Variants in ADCY1 observed in about 807,000 individuals in gnomAD.
ADCY1 encodes adenylate cyclase type 1.
Under a neutral mutation model 105.4 loss-of-function variants are expected in ADCY1, and 28 were observed. The observed-to-expected ratio is 0.27, with a 90% CI of 0.20 to 0.36. ADCY1 has a LOEUF of 0.36. Ranked by LOEUF, ADCY1 falls within the 10% of genes least tolerant of loss-of-function variation. The pLI, the probability that ADCY1 is intolerant of heterozygous loss-of-function variation, is 1.00. For synonymous variants in ADCY1, 655 were observed against 623.8 expected, an observed-to-expected ratio of 1.05 and a Z score of -0.75; for missense variants, 977 against 1,434.2, an observed-to-expected ratio of 0.68 and a Z score of 5.15.
chr7:45,668,980 T>C (rs1179102795), intron 8 of ADCY1, among the ~76,000 whole-genome samples: 6 of 152,134 alleles, frequency 3.9e-5, no homozygotes, highest in Non-Finnish European at 7.3e-5. Flanking sequence ...GGTGATATCC[T>C]CTTTATCATT....
chr7:45,699,826 A>G (rs1410243982), intron 14 of ADCY1, among the ~76,000 whole-genome samples: 3 of 152,114 alleles, frequency 2.0e-5, no homozygotes, highest in African/African-American at 7.2e-5. Context: ...TCTTCTCACT[A>G]CATGTCTGAT....
At chr7:45,618,320 A>G (rs1213404954) in intron 3 of ADCY1, among the ~76,000 whole-genome samples, 2 of 152,222 alleles carry the variant, frequency 1.3e-5, no homozygotes, top group African/African-American at 2.4e-5. Context: ...GTCTGGGCAG[A>G]TGTTTTATGG....
At chr7:45,618,789 T>C (rs769475796) in intron 3 of ADCY1, among the ~76,000 whole-genome samples, 4 of 152,222 alleles carry the variant, frequency 2.6e-5, no homozygotes, top group Non-Finnish European at 5.9e-5. Context: ...ACAGCCATTA[T>C]GGAAAATAGA....
At position 45,575,802 on chromosome 7, in the gene ADCY1, C is replaced by T. The variant is rs1466725208; in HGVS notation, c.639+620C>T. On this transcript the variant is annotated intron_variant, in intron 1 of 19. Transcript: ENST00000297323. This position sits in a 1 kb window ranked among gnomAD's most constrained non-coding sequence, Gnocchi z 4.7. ...TCTAGTCCCTGCCGCTGCCACTCGG[C>T]GGTTGCCCTGACCCTGCCTTTTCTG... Among the ~76,000 whole-genome samples, 1 of 152,272 alleles carries T rather than the reference C, an allele frequency of 6.6e-6. No individual in the cohort carries two copies. The highest frequency in any genetic ancestry group is 2.4e-5 in the African/African-American group (1 of 41,484).
intron 11 of ADCY1, chr7:45,680,314 A>G (rs1021155594): frequency 2.6e-5 from 5 of 189,244 alleles, no homozygotes; most frequent in South Asian, 1.1e-4. Context: ...ACATTGTGCT[A>G]TCTGGGCCCT....
Position 45,699,758 on chromosome 7 carries a change from C to T in ADCY1, c.2455-3618C>T, listed in dbSNP as rs535857324. Among the ~76,000 whole-genome samples the T allele has an allele frequency of 4.6e-5, 7 of 152,230 alleles. No homozygotes were observed. In the South Asian group the frequency reaches 8.3e-4, roughly 18 times the overall value. On this transcript the variant is annotated intron_variant, in intron 14 of 19. Transcript: ENST00000297323. ...GGTACTCTGAGGTCGGGCTAGGTTG[C>T]GCAGCAGTCGCAGGCCTTCTGAGGG...
rs768415059 is a variant in ADCY1 at position 45,677,909 on chromosome 7, G to A, written c.1646G>A (p.Arg549His). The change falls in exon 9 of 20, where the codon CGC becomes CAC. Residue 549 changes from arginine to histidine, a missense_variant. Coordinates refer to ENST00000297323, the MANE Select transcript of ADCY1 (RefSeq NM_021116.4). ...ACAGCCTCGGAAAAACTCAGAAACCGCTCATCTTTTTCTACCAACGTTGTC... is the reference window on the plus strand; with the variant it reads ...ACAGCCTCGGAAAAACTCAGAAACCACTCATCTTTTTCTACCAACGTTGTC... ...LRTASEKLRN[R>H]SSFSTNVVYT... The A allele has an allele frequency of 5.0e-6, 8 of 1,614,012 alleles. No individual in the cohort carries two copies. The highest frequency in any genetic ancestry group is 1.7e-5 in the Admixed American group (1 of 60,018).
intron 1 of ADCY1, among the ~76,000 whole-genome samples, chr7:45,581,392 T>C (rs1482677168): frequency 2.0e-5 from 3 of 152,148 alleles, no homozygotes; most frequent in African/African-American, 4.8e-5. Context: ...CTTGATCAAA[T>C]GTTGGGAGAG....
At chr7:45,688,218 T>C (rs1381614149) in intron 14 of ADCY1, among the ~76,000 whole-genome samples, 1 of 152,214 alleles carries the variant, frequency 6.6e-6, no homozygotes, top group Non-Finnish European at 1.5e-5. Context: ...CAACCAGTGA[T>C]AGGTCAATCT....
In ADCY1 at chr7:45,708,520, C is replaced by T; in HGVS notation, c.2932+56C>T. On this transcript the variant is annotated intron_variant, in intron 18 of 19. Transcript: ENST00000297323. The surrounding 1 kb of genome is among the most constrained non-coding windows in gnomAD (Gnocchi z 4.7). ...CATGTGGAACACCTTCCTACACCCA[C>T]CTAGGGGTGGGATCAGCTGATGAGG... 7 of 1,375,044 alleles carry T rather than the reference C, an allele frequency of 5.1e-6. No individual in the cohort carries two copies. Among genetic ancestry groups the T allele is most frequent in the Middle Eastern group, 1.8e-4 (1 of 5,620 alleles). The allele number at this position is 1,375,044 out of a possible 1,614,324, so 85.2% of individuals were successfully genotyped here.
At chr7:45,610,769 A>AAGGTGAGGAGGTGATG (rs1793527993) in intron 3 of ADCY1, among the ~76,000 whole-genome samples, 1 of 21,536 alleles carries the variant, frequency 4.6e-5, no homozygotes, top group Non-Finnish European at 8.9e-5. Flanking sequence ...TAGAGGTGAT[A>AAGGTGAGGAGGTGATG]GTGGAGGTGT....
chr7:45,697,357 G>T (rs999824259), intron 14 of ADCY1, among the ~76,000 whole-genome samples: 2 of 149,952 alleles, frequency 1.3e-5, no homozygotes, highest in Non-Finnish European at 3.0e-5. Flanking sequence ...CAGCCTCATA[G>T]CTTCACTGTT....
chr7:45,579,388 G>T (rs527405220), intron 1 of ADCY1, among the ~76,000 whole-genome samples: 5 of 151,232 alleles, frequency 3.3e-5, no homozygotes, highest in African/African-American at 9.7e-5. Context: ...CTTCCTCCCC[G>T]GCTGGGATCC....
At chr7:45,664,527 G>C (rs1221165233) in intron 8 of ADCY1, 2 of 1,362,026 alleles carry the variant, frequency 1.5e-6, no homozygotes, top group African/African-American at 2.9e-5. Context: ...AAAATATGGA[G>C]AACACAAAGA....
intron 1 of ADCY1, among the ~76,000 whole-genome samples, chr7:45,577,627 G>A (rs1023420605): frequency 6.6e-6 from 1 of 152,200 alleles, no homozygotes; most frequent in African/African-American, 2.4e-5. Context: ...CTGAGTTTTG[G>A]GCAGGTAGTA....
intron 1 of ADCY1, among the ~76,000 whole-genome samples, chr7:45,589,537 G>T (rs1792844758): frequency 6.6e-6 from 1 of 152,192 alleles, no homozygotes; most frequent in Admixed American, 6.5e-5. Context: ...TGCCCCTCTA[G>T]CCGTGAGTTC....
At chr7:45,579,827 C>T (rs2115705804) in intron 1 of ADCY1, among the ~76,000 whole-genome samples, 1 of 152,270 alleles carries the variant, frequency 6.6e-6, no homozygotes, top group South Asian at 2.1e-4. Flanking sequence ...GCTCCTGACT[C>T]TGGCTTCAGT....
chr7:45,669,329 A>C lies in ADCY1; in HGVS notation c.1605+7115A>C, dbSNP rs1424853496. Among the ~76,000 whole-genome samples, 9 of 151,900 alleles carry C rather than the reference A, an allele frequency of 5.9e-5. No homozygotes were observed. In the South Asian group the frequency reaches 1.9e-3, roughly 32 times the overall value. The stretch of plus-strand genomic sequence containing the variant: ...TGTCCCAGAGATTCTGGTATGTTGT[A>C]TCTTTGTTCTCGTTGGTTTCAAAGA... On this transcript the variant is annotated intron_variant, in intron 8 of 19. Coordinates refer to ENST00000297323, the MANE Select transcript of ADCY1 (RefSeq NM_021116.4).
At chr7:45,659,979 G>A in intron 6 of ADCY1, 63 bp from the exon 7 acceptor site, 2 of 1,601,014 alleles carry the variant, frequency 1.2e-6, no homozygotes, top group Non-Finnish European at 1.7e-6. Context: ...CTCTGGTAAG[G>A]CCCTGCAGAC....
Sources: allele counts gnomAD v4.1 joint callset (sites outside exome capture counted in the v4.1 genomes callset), GRCh38; gene constraint gnomAD v4.1.1; non-coding constraint Gnocchi (gnomAD v3.1); transcripts MANE v1.5; gene names NCBI Gene and HGNC (gene_info 2026-07-23, HGNC 2026-07-21).